Variants in RNF150 observed in about 807,000 individuals in gnomAD.
The protein encoded by RNF150 is ring finger protein 150.
RNF150 carries 24 observed loss-of-function variants against 39.3 expected under a neutral mutation model. That is an observed-to-expected ratio of 0.61 (90% CI 0.44 to 0.86). The LOEUF (loss-of-function observed/expected upper bound fraction) is 0.86, where lower values mean the gene tolerates loss of function less well. RNF150 is among the 40% of genes least tolerant of loss of function. The pLI is 0.00. For synonymous variants in RNF150, 255 were observed against 227.3 expected, an observed-to-expected ratio of 1.12 and a Z score of -1.10; for missense variants, 502 against 587.8, an observed-to-expected ratio of 0.85 and a Z score of 1.51.
intron 1 of RNF150, among the ~76,000 whole-genome samples, chr4:141,064,612 C>CAAT (rs1228834644): frequency 1.3e-5 from 2 of 151,346 alleles, no homozygotes; most frequent in Admixed American, 6.6e-5. Context: ...CCATCTCTAA[C>CAAT]AACAACAACA....
intron 1 of RNF150, among the ~76,000 whole-genome samples, chr4:141,201,997 G>T (rs1226983406): frequency 6.6e-6 from 1 of 152,072 alleles, no homozygotes; most frequent in African/African-American, 2.4e-5. Flanking sequence ...TGCCCTTTCA[G>T]CCATGTGAGG....
At chr4:141,038,962 C>T (rs1373362528) in intron 1 of RNF150, among the ~76,000 whole-genome samples, 4 of 151,818 alleles carry the variant, frequency 2.6e-5, no homozygotes, top group Non-Finnish European at 4.4e-5. Context: ...GGTGGTAGCC[C>T]GAAGGTCTAA....
At chr4:140,891,955 C>T (rs559798500) in intron 6 of RNF150, among the ~76,000 whole-genome samples, 99 of 152,206 alleles carry the variant, frequency 6.5e-4, no homozygotes, top group African/African-American at 2.2e-3. Flanking sequence ...AGTTTCATCC[C>T]GAAAGCACCA....
intron 1 of RNF150, among the ~76,000 whole-genome samples, chr4:140,991,057 T>C (rs1415281356): frequency 5.9e-5 from 9 of 152,242 alleles, no homozygotes; most frequent in Admixed American, 5.9e-4. Flanking sequence ...GGTATCTCAT[T>C]GTGGTCTTGA....
chr4:140,933,392 T>C (rs1731724735), intron 4 of RNF150, among the ~76,000 whole-genome samples: 1 of 152,224 alleles, frequency 6.6e-6, no homozygotes. Context: ...TGAAATGCTC[T>C]AAAATCTGGA....
chr4:140,926,693 A>G (rs1057435511), intron 4 of RNF150, among the ~76,000 whole-genome samples: 7 of 152,202 alleles, frequency 4.6e-5, no homozygotes, highest in African/African-American at 1.7e-4. Flanking sequence ...CCATGTGCCA[A>G]TCATTACTAG....
rs146124244 is a variant in RNF150, at chr4:141,164,856, TAA to T, written c.-6+47936_-6+47937del. Among the ~76,000 whole-genome samples, 1,063 of 152,228 alleles carry T rather than the reference TAA, an allele frequency of 7.0e-3. 12 individuals carry two copies. Among genetic ancestry groups the T allele is most frequent in the African/African-American group, 0.024 (1,017 of 41,542 alleles). ...GCCACTGCAAAAATATACCAAAATG[TAA>T]AGACCATTGACACTATAAGAAACTG... On this transcript the variant is annotated intron_variant, in intron 1 of 7. Coordinates refer to the RNF150 transcript ENST00000420921.
chr4:141,206,918 G>T (rs574635714), intron 1 of RNF150, among the ~76,000 whole-genome samples: 2 of 152,088 alleles, frequency 1.3e-5, no homozygotes, highest in South Asian at 4.2e-4. Flanking sequence ...CCGAGAAGCT[G>T]CTGGTGCAAG....
At chr4:141,076,053 G>A (rs114778861) in intron 1 of RNF150, among the ~76,000 whole-genome samples, 1,959 of 152,166 alleles carry the variant, frequency 0.013, 54 homozygotes, top group African/African-American at 0.045. Context: ...AAAATGTATA[G>A]GGACATAATA....
intron 2 of RNF150, among the ~76,000 whole-genome samples, chr4:140,962,731 C>T (rs1164919572): frequency 1.3e-5 from 2 of 151,950 alleles, no homozygotes; most frequent in African/African-American, 4.8e-5. Context: ...GGCTCAGCGG[C>T]TTTAAAAGTA....
At chr4:140,904,798 G>A (rs1730316251) in intron 6 of RNF150, among the ~76,000 whole-genome samples, 1 of 152,200 alleles carries the variant, frequency 6.6e-6, no homozygotes, top group Non-Finnish European at 1.5e-5. Flanking sequence ...CCTGTTCGGG[G>A]TGTGGTCAGA....
chr4:140,973,213 G>A (rs965410089), intron 1 of RNF150, among the ~76,000 whole-genome samples: 1 of 151,962 alleles, frequency 6.6e-6, no homozygotes, highest in Non-Finnish European at 1.5e-5. Context: ...AGTAAAGCTA[G>A]GAAAAATGTG....
chr4:141,000,022 A>C lies in RNF150; in HGVS notation c.485-32149T>G, dbSNP rs1298377312. On this transcript the variant is annotated intron_variant, in intron 1 of 6. Coordinates refer to ENST00000515673, the MANE Select transcript of RNF150 (RefSeq NM_020724.2). ...AAGAAGAAGAAGAAGAAGAAGAAGA[A>C]GAAGAAGAAGAAGAAGAAGAAGAAG... 2.7e-4 allele frequency among the ~76,000 whole-genome samples: 11 copies of C among 41,474 alleles called. No individual in the cohort carries two copies. In the East Asian group the frequency reaches 5.7e-3, roughly 21 times the overall value. 27.2% of individuals were successfully genotyped at this position (41,474 alleles called of 152,430 possible).
intron 1 of RNF150, among the ~76,000 whole-genome samples, chr4:141,003,823 C>T (rs984948197): frequency 6.6e-5 from 10 of 152,152 alleles, no homozygotes; most frequent in Non-Finnish European, 1.5e-4. Flanking sequence ...ATTCTCTTCT[C>T]CTTACAGATT....
At chr4:141,133,653 A>C (rs79063867), upstream of RNF150, among the ~76,000 whole-genome samples, 20 of 152,142 alleles carry the variant, frequency 1.3e-4, no homozygotes, top group Non-Finnish European at 2.8e-4. Context: ...GGTAAAGAGG[A>C]AGCGACCCCT....
At chr4:141,037,864 G>T (rs1037899692) in intron 1 of RNF150, among the ~76,000 whole-genome samples, 1 of 152,026 alleles carries the variant, frequency 6.6e-6, no homozygotes, top group African/African-American at 2.4e-5. Flanking sequence ...ACTTAACCAT[G>T]GTCATAAAAA....
intron 1 of RNF150, among the ~76,000 whole-genome samples, chr4:141,168,213 A>G (rs1727635411): frequency 6.6e-6 from 1 of 152,260 alleles, no homozygotes; most frequent in Non-Finnish European, 1.5e-5. Context: ...ATCACTGGTC[A>G]TTAGAGAAAT....
At chr4:141,142,890 G>A (rs928872809) in intron 1 of RNF150, among the ~76,000 whole-genome samples, 1 of 145,550 alleles carries the variant, frequency 6.9e-6, no homozygotes, top group Non-Finnish European at 1.5e-5. Flanking sequence ...TTTTTTTTTA[G>A]ATAGAGTCTG....
chr4:141,122,019 T>C (rs1036575482), intron 1 of RNF150, among the ~76,000 whole-genome samples: 3 of 152,070 alleles, frequency 2.0e-5, no homozygotes, highest in African/African-American at 7.2e-5. Flanking sequence ...CCCCAGGTGA[T>C]CCCAATATGC....
Sources: allele counts gnomAD v4.1 joint callset (sites outside exome capture counted in the v4.1 genomes callset), GRCh38; gene constraint gnomAD v4.1.1; transcripts MANE v1.5; gene names NCBI Gene and HGNC (gene_info 2026-07-23, HGNC 2026-07-21).